Variants in ITGA10 observed in about 807,000 individuals in gnomAD.
ITGA10 encodes the protein integrin alpha-10.
In ITGA10, 105 loss-of-function variants were observed where a neutral mutation model predicts 145.2. The ratio of observed to expected loss-of-function variants is 0.72; its 90% CI spans 0.62 to 0.85. The LOEUF (loss-of-function observed/expected upper bound fraction) is 0.85, where lower values mean the gene tolerates loss of function less well. ITGA10 is among the 40% of genes least tolerant of loss of function. ITGA10 has a pLI of 0.00. For synonymous variants in ITGA10, 506 were observed against 557.8 expected, an observed-to-expected ratio of 0.91 and a Z score of 1.31; for missense variants, 1,317 against 1,444.5, an observed-to-expected ratio of 0.91 and a Z score of 1.43.
chr1:145,903,353 C>A (rs782545385), intron 7 of ITGA10, among the ~76,000 whole-genome samples: 3 of 152,106 alleles, frequency 2.0e-5, no homozygotes, highest in Non-Finnish European at 4.4e-5. Context: ...TCAATTTTAC[C>A]ACCGTGCCCC....
Position 145,898,132 on chromosome 1 carries a change from G to A in ITGA10, c.2324C>T (p.Ser775Leu), listed in dbSNP as rs1553746051. The A allele has an allele frequency of 1.2e-6, 2 of 1,613,792 alleles. No individual in the cohort carries two copies. The highest frequency in any genetic ancestry group is 8.5e-7 in the Non-Finnish European group (1 of 1,179,702). The stretch of plus-strand genomic sequence containing the variant: ...GACCAGCTTTTGTATAGAGGTGGGT[G>A]AGCCCTCATTCAGCACAGGCCCTGG... ...TKPGPVLNEG[S>L]PTSIQKLVPF... is the part of the protein sequence containing the mutation. Residue 775 changes from serine (S) to leucine (L), a missense_variant, in exon 18 of 30, where the codon TCA becomes TTA. Transcript: ENST00000369304.
Position 145,895,329 on chromosome 1 carries a change from T to C in ITGA10, c.3179A>G (p.Glu1060Gly). The change falls in exon 27 of 30, where the codon GAG becomes GGG. Residue 1060 changes from glutamate (E) to glycine (G), a missense_variant. Coordinates refer to ENST00000369304, the MANE Select transcript of ITGA10 (RefSeq NM_003637.5). ...CHLGQLAKGT[E>G]VSVGLLRLVH... The stretch of plus-strand genomic sequence containing the variant: ...CAGCCTCAATAGTCCAACAGAGACC[T>C]CAGTCCCCTTTGCCAGCTGCCCAAG... The C allele has an allele frequency of 6.2e-7, 1 of 1,614,148 alleles. No homozygotes were observed. The highest frequency in any genetic ancestry group is 8.5e-7 in the Non-Finnish European group (1 of 1,179,996).
chr1:145,907,310 A>G (rs1553751656), intron 2 of ITGA10, 44 bp downstream of exon 2: 1 of 1,614,006 alleles, frequency 6.2e-7, no homozygotes, highest in South Asian at 1.1e-5. Flanking sequence ...CTTTGTTAGC[A>G]CTACTGCAGT....
intron 27 of ITGA10, among the ~76,000 whole-genome samples, chr1:145,894,864 G>C (rs192027793): frequency 4.3e-4 from 65 of 152,314 alleles, no homozygotes; most frequent in African/African-American, 1.6e-3. Flanking sequence ...GATATTCTCA[G>C]TGTCAACCTA....
chr1:145,902,973 A>ATG lies in ITGA10; in HGVS notation c.759-13_759-12insCA. On this transcript the variant is annotated splice_polypyrimidine_tract_variant and intron_variant, in intron 7 of 29. Transcript: ENST00000369304. ...TGAACCCTTCTGTGCTGAGAAGAGA[A>ATG]AGGAGTGAGGTGAGATCAGATGTAT... The ATG allele has an allele frequency of 6.4e-7, 1 of 1,555,866 alleles. No individual in the cohort carries two copies.
At chr1:145,899,443 G>A in intron 15 of ITGA10, 102 bp from the exon 16 acceptor site, 7 of 1,277,046 alleles carry the variant, frequency 5.5e-6, no homozygotes, top group South Asian at 1.4e-5. Context: ...AAGAAGGAGG[G>A]GCTGAATGCA....
chr1:145,907,062 G>C lies in ITGA10; in HGVS notation c.253C>G (p.Pro85Ala). 1 of 1,558,862 alleles carries C rather than the reference G, an allele frequency of 6.4e-7. No individual in the cohort carries two copies. The highest frequency in any genetic ancestry group is 8.7e-7 in the Non-Finnish European group (1 of 1,150,678). ...TCACCTAAGTGGCCCTTGGCACATG[G>C]GGCATTGTGGGCCCCCCCTACAGGG... Reference protein sequence around the residue: ...RCPVGGAHNAPCAKGHLGDYQ... With the variant: ...RCPVGGAHNAACAKGHLGDYQ... The change falls in exon 3 of 30, where the codon CCA becomes GCA. Residue 85 changes from proline to alanine, a missense_variant. Coordinates refer to ENST00000369304, the MANE Select transcript of ITGA10 (RefSeq NM_003637.5).
chr1:145,898,990 C>T lies in ITGA10; in HGVS notation c.2178G>A (p.Arg726=). 1 of 1,614,212 alleles carries T rather than the reference C, an allele frequency of 6.2e-7. No homozygotes were observed. The highest frequency in any genetic ancestry group is 8.5e-7 in the Non-Finnish European group (1 of 1,180,042). ...DGSGQRLSPR[R]LRLSVGNVTC... ...TGACATTCCCCACACTGAGCCGGAG[C>T]CTCCGAGGGGACAACCTCTGGCCAG... The change falls in exon 17 of 30, where the codon AGG becomes AGA. Residue 726 remains arginine, a synonymous_variant. Transcript: ENST00000369304.
At position 145,895,314 on chromosome 1, in the gene ITGA10, A is replaced by C. The variant is rs1655227897; in HGVS notation, c.3194T>G (p.Leu1065Arg). ...LAKGTEVSVG[L>R]LRLVHNEFFR... is the part of the protein sequence containing the mutation. ...AAATTCATTGTGAACCAGCCTCAAT[A>C]GTCCAACAGAGACCTCAGTCCCCTT... The change falls in exon 27 of 30, where the codon CTA (leucine) becomes CGA (arginine). Residue 1065 changes from leucine (L) to arginine (R), a missense_variant. Transcript: ENST00000369304. 1 of 1,614,110 alleles carries C rather than the reference A, an allele frequency of 6.2e-7. No individual in the cohort carries two copies. The highest frequency in any genetic ancestry group is 1.1e-5 in the South Asian group (1 of 91,068).
At chr1:145,899,455 A>AT (rs1256410004) in intron 15 of ITGA10, 114 bp from the exon 16 acceptor site, 4 of 1,140,890 alleles carry the variant, frequency 3.5e-6, no homozygotes, top group Admixed American at 4.2e-5. Flanking sequence ...CTGAATGCAC[A>AT]TGTCACCCTC....
chr1:145,899,179 T>C lies in ITGA10; in HGVS notation c.2085A>G (p.Gln695=), dbSNP rs782508907. 19 of 1,614,216 alleles carry C rather than the reference T, an allele frequency of 1.2e-5. No individual in the cohort carries two copies. Among genetic ancestry groups the C allele is most frequent in the Middle Eastern group, 1.6e-4 (1 of 6,062 alleles). The change falls in exon 16 of 30, where the codon CAA becomes CAG. Residue 695 remains glutamine (Q), a synonymous_variant. Transcript: ENST00000369304. ...TSRTPGRWDH[Q]FYMRFTASLD... Reference sequence around the variant, plus strand: ...TGATGCATTTTAGTCACTCACAGAATTGGTGATCCCAGCGACCAGGAGTAC... The same window carrying C: ...TGATGCATTTTAGTCACTCACAGAACTGGTGATCCCAGCGACCAGGAGTAC...
In ITGA10 at chr1:145,898,137, C is replaced by T; in HGVS notation, c.2319G>A (p.Glu773=). 6.2e-7 allele frequency: 1 copy of T among 1,613,958 alleles called. No individual in the cohort carries two copies. Among genetic ancestry groups the T allele is most frequent in the Non-Finnish European group, 8.5e-7 (1 of 1,179,920 alleles). Residue 773 remains glutamate, a synonymous_variant, in exon 18 of 30, where the codon GAG becomes GAA. Coordinates refer to ENST00000369304, the MANE Select transcript of ITGA10 (RefSeq NM_003637.5). ...NTTKPGPVLN[E]GSPTSIQKLV... ...GCTTTTGTATAGAGGTGGGTGAGCCCTCATTCAGCACAGGCCCTGGCTTTG... is the reference window on the plus strand; with the variant it reads ...GCTTTTGTATAGAGGTGGGTGAGCCTTCATTCAGCACAGGCCCTGGCTTTG...
rs930463940 is a variant in ITGA10 at position 145,898,405 on chromosome 1, G to C, written c.2233-182C>G. On this transcript the variant is annotated intron_variant, in intron 17 of 29. Transcript: ENST00000369304. ...TATTTTTGAGACAGAGTCTCGCTCT[G>C]TCGCCCAGGCTGGAGTGCAGTGGCA... is the stretch of plus-strand genomic sequence containing the variant. Among the ~76,000 whole-genome samples, 4 of 152,050 alleles carry C rather than the reference G, an allele frequency of 2.6e-5. No individual in the cohort carries two copies. In the South Asian group the frequency reaches 8.3e-4, roughly 32 times the overall value.
In ITGA10 at chr1:145,899,194, A is replaced by G. The variant is rs781790639; in HGVS notation, c.2070T>C (p.Gly690=). 1 of 1,614,230 alleles carries G rather than the reference A, an allele frequency of 6.2e-7. No homozygotes were observed. The highest frequency in any genetic ancestry group is 8.5e-7 in the Non-Finnish European group (1 of 1,180,054). Residue 690 remains glycine (G), a synonymous_variant, in exon 16 of 30, where the codon GGT becomes GGC. Coordinates refer to ENST00000369304, the MANE Select transcript of ITGA10 (RefSeq NM_003637.5). ...ACTCACAGAATTGGTGATCCCAGCG[A>G]CCAGGAGTACGGGAGGTCACTTGGA... The part of the protein sequence containing the change: ...LCFQVTSRTP[G]RWDHQFYMRF...
rs587731878 is a variant in ITGA10 at position 145,898,664 on chromosome 1, G to C, written c.2232+272C>G. ...ATTACAAGCGTGAGCCACTGCGCCC[G>C]GCTAAATTTAATTTTAATACAACTC... On this transcript the variant is annotated intron_variant, in intron 17 of 29. Transcript: ENST00000369304. 3.3e-5 allele frequency among the ~76,000 whole-genome samples: 5 copies of C among 152,194 alleles called. No individual in the cohort carries two copies. The South Asian group carries it at 1.0e-3, about 32-fold the overall frequency.
rs1325034505 is a variant in ITGA10, at chr1:145,901,800, G to A, written c.1294+77C>T. On this transcript the variant is annotated intron_variant, in intron 11 of 29. Transcript: ENST00000369304. The surrounding 1 kb of genome is among the most constrained non-coding windows in gnomAD (Gnocchi z 4.3). ...GAGAAACCGCATGAGTTAAGAGGGA[G>A]TATTTCATACCCGCCCCCACTAGGG... The A allele has an allele frequency of 1.3e-5, 20 of 1,589,364 alleles. No individual in the cohort carries two copies. Among genetic ancestry groups the A allele is most frequent in the Non-Finnish European group, 1.6e-5 (19 of 1,164,726 alleles).
chr1:145,901,720 G>A lies in ITGA10; in HGVS notation c.1295-56C>T, dbSNP rs1559204165. On this transcript the variant is annotated intron_variant, in intron 11 of 29. Transcript: ENST00000369304. The surrounding 1 kb of genome is among the most constrained non-coding windows in gnomAD (Gnocchi z 4.3). ...GAAAAGAAGATGGGGTCCAGAGTAG[G>A]GGGGTTCCCTAAAGGCATAGCAGGA... is the stretch of plus-strand genomic sequence containing the variant. 2.6e-6 allele frequency: 4 copies of A among 1,538,646 alleles called. No individual in the cohort carries two copies. Among genetic ancestry groups the A allele is most frequent in the East Asian group, 4.5e-5 (2 of 44,336 alleles).
At chr1:145,900,473 G>A (rs587733164) in intron 14 of ITGA10, among the ~76,000 whole-genome samples, 1 of 152,082 alleles carries the variant, frequency 6.6e-6, no homozygotes, top group Admixed American at 6.6e-5. Flanking sequence ...ATGTTGGCCA[G>A]GCTGGTCTCG....
At position 145,902,601 on chromosome 1, in the gene ITGA10, G is replaced by A. The variant is rs587768046; in HGVS notation, c.928C>T (p.Arg310Trp). Residue 310 changes from arginine (R) to tryptophan (W), a missense_variant, in exon 9 of 30, where the codon CGG becomes TGG. Physicochemically the swap from Arg to Trp is moderately radical, Grantham distance 101. Transcript: ENST00000369304. ...YGIAVLGHYL[R>W]RQRDPSSFLR... ...AAAGAGCTGGGATCTCGCTGCCGCC[G>A]GAGGTAGTGACCAAGGACCTAAGAG... 2.3e-5 allele frequency: 37 copies of A among 1,606,930 alleles called. No homozygotes were observed. In the Middle Eastern group the frequency reaches 5.0e-4, roughly 22 times the overall value.
Sources: gnomAD v4.1 joint callset for allele counts (sites outside exome capture counted in the v4.1 genomes callset) on GRCh38, gnomAD v4.1.1 for gene constraint, Gnocchi (gnomAD v3.1) non-coding constraint, MANE v1.5 for transcripts, NCBI Gene and HGNC (gene_info 2026-07-23, HGNC 2026-07-21) for gene names.